The following PVT1 variants were observed in gnomAD, a reference collection of about 807,000 sequenced individuals.
PVT1 encodes CXCR4/PVT1 fusion.
intron 4 of PVT1, among the ~76,000 whole-genome samples, chr8:128,061,294 T>C (rs548572481): frequency 1.2e-3 from 185 of 152,378 alleles, no homozygotes; most frequent in South Asian, 4.1e-3. Flanking sequence ...CTTGGCATAA[T>C]GTTTTCAAGG....
At chr8:127,928,879 T>G (rs138682624) in intron 3 of PVT1, among the ~76,000 whole-genome samples, 8 of 152,320 alleles carry the variant, frequency 5.3e-5, no homozygotes, top group Non-Finnish European at 8.8e-5. Context: ...TCCTGGAAGT[T>G]TGAAGAAAGT....
At chr8:127,806,466 TA>T (rs1329657172) in intron 2 of PVT1, among the ~76,000 whole-genome samples, 2 of 147,718 alleles carry the variant, frequency 1.4e-5, no homozygotes, top group Non-Finnish European at 3.0e-5. Flanking sequence ...TCTAAAAAAT[TA>T]AAAAAAAAAG....
chr8:127,937,572 C>CAGAGAG (rs1415361085), intron 3 of PVT1, among the ~76,000 whole-genome samples: 11 of 99,814 alleles, frequency 1.1e-4, no homozygotes, highest in South Asian at 1.1e-3. Flanking sequence ...CACACACACA[C>CAGAGAG]ACACACACAG....
At chr8:127,817,359 A>C in intron 2 of PVT1, among the ~76,000 whole-genome samples, 1 of 123,340 alleles carries the variant, frequency 8.1e-6, no homozygotes, top group Non-Finnish European at 1.7e-5. Context: ...TGTTACATAT[A>C]TATATATCTA....
At chr8:128,041,196 CGT>C (rs1813529477) in intron 4 of PVT1, among the ~76,000 whole-genome samples, 1 of 134,226 alleles carries the variant, frequency 7.5e-6, no homozygotes, top group African/African-American at 2.8e-5. Flanking sequence ...TGCTTGTGTT[CGT>C]GTGTTTGCAT....
chr8:128,011,837 G>A (rs17789018), intron 4 of PVT1, among the ~76,000 whole-genome samples: 21,649 of 152,074 alleles, frequency 0.14, 1,862 homozygotes, highest in South Asian at 0.26. Flanking sequence ...CAAACAGAAA[G>A]CAACTTAATA....
intron 3 of PVT1, among the ~76,000 whole-genome samples, chr8:127,959,988 C>A (rs1028609991): frequency 2.0e-5 from 3 of 152,208 alleles, no homozygotes; most frequent in Non-Finnish European, 4.4e-5. Flanking sequence ...TGGCCTTCCC[C>A]GGATGCAGTA....
At chr8:127,912,909 G>T (rs938285513) in intron 3 of PVT1, among the ~76,000 whole-genome samples, 1 of 152,248 alleles carries the variant, frequency 6.6e-6, no homozygotes, top group Non-Finnish European at 1.5e-5. Flanking sequence ...TGTTGGCCAG[G>T]CTGGTCTTGA....
chr8:128,025,169 T>G (rs961764470), intron 4 of PVT1, among the ~76,000 whole-genome samples: 6 of 152,212 alleles, frequency 3.9e-5, no homozygotes, highest in Non-Finnish European at 7.3e-5. Context: ...CCTACTTGGC[T>G]AGCAGCCCCA....
chr8:127,813,974 G>C (rs1287981512), intron 2 of PVT1, among the ~76,000 whole-genome samples: 1 of 152,138 alleles, frequency 6.6e-6, no homozygotes, highest in Admixed American at 6.5e-5. Flanking sequence ...ATAGAGACGG[G>C]GTTTCGCTAT....
At chr8:127,862,846 A>AT (rs1815242785) in intron 2 of PVT1, among the ~76,000 whole-genome samples, 1 of 151,930 alleles carries the variant, frequency 6.6e-6, no homozygotes, top group Admixed American at 6.6e-5. Flanking sequence ...GGTGTTAGCA[A>AT]TTTTTTTCTC....
intron 2 of PVT1, among the ~76,000 whole-genome samples, chr8:127,816,677 C>G (rs1814664295): frequency 6.6e-6 from 1 of 152,108 alleles, no homozygotes; most frequent in Non-Finnish European, 1.5e-5. Context: ...GCACTCGCCA[C>G]CATGCCTGGC....
chr8:127,917,614 C>T (rs1039925833), intron 3 of PVT1, among the ~76,000 whole-genome samples: 14 of 152,348 alleles, frequency 9.2e-5, no homozygotes, highest in African/African-American at 7.2e-5. Context: ...ATAGAGGGGC[C>T]GGTCAGCCCT....
At chr8:127,912,128 C>A (rs1336895761) in intron 3 of PVT1, among the ~76,000 whole-genome samples, 1 of 152,186 alleles carries the variant, frequency 6.6e-6, no homozygotes, top group Non-Finnish European at 1.5e-5. Context: ...TGATAAAGTT[C>A]TGTGATCCTG....
chr8:127,807,989 C>G (rs1055604050), intron 2 of PVT1, among the ~76,000 whole-genome samples: 1 of 151,722 alleles, frequency 6.6e-6, no homozygotes, highest in African/African-American at 2.4e-5. Flanking sequence ...AGGATGGTCT[C>G]GATCTCCTGA....
At chr8:127,813,494 C>T (rs1044225476) in intron 2 of PVT1, among the ~76,000 whole-genome samples, 8 of 152,154 alleles carry the variant, frequency 5.3e-5, no homozygotes, top group Admixed American at 3.9e-4. Flanking sequence ...CTTTAGGCCA[C>T]GTGAGTGACA....
At position 128,097,159 on chromosome 8, in the gene PVT1, G is replaced by A. The variant is rs143342386; in HGVS notation, n.1251+505G>A. 3.3e-3 allele frequency among the ~76,000 whole-genome samples: 507 copies of A among 152,290 alleles called. 6 individuals carry two copies. Among genetic ancestry groups the A allele is most frequent in the East Asian group, 0.013 (65 of 5,186 alleles). ...GTGGATCACTTGAGGTCAGAAGTTC[G>A]AGACCAGCCTGGCCAACATGGCGAA... On this transcript the variant is annotated intron_variant and non_coding_transcript_variant, in intron 6 of 10. Transcript: ENST00000651587.
chr8:127,884,381 T>G (rs1417023722), intron 2 of PVT1, among the ~76,000 whole-genome samples: 3 of 152,232 alleles, frequency 2.0e-5, no homozygotes, highest in African/African-American at 7.2e-5. Context: ...TTGATGGGCA[T>G]TTGAGTAGTT....
At chr8:127,938,131 G>GT (rs567965894) in intron 3 of PVT1, among the ~76,000 whole-genome samples, 1 of 152,152 alleles carries the variant, frequency 6.6e-6, no homozygotes, top group East Asian at 1.9e-4. Flanking sequence ...GAATGATACT[G>GT]TTTTTTCCTA....
Sources: allele counts gnomAD v4.1 joint callset (sites outside exome capture counted in the v4.1 genomes callset), GRCh38; gene constraint gnomAD v4.1.1; transcripts MANE v1.5; gene names NCBI Gene and HGNC (gene_info 2026-07-23, HGNC 2026-07-21).